The following PTPRT variants were observed in gnomAD, a reference collection of about 807,000 sequenced individuals.
The protein encoded by PTPRT is receptor-type tyrosine-protein phosphatase T.
PTPRT carries 56 observed loss-of-function variants against 176.8 expected under a neutral mutation model. That is an observed-to-expected ratio of 0.32 (90% confidence interval 0.26 to 0.40). The LOEUF is 0.40. PTPRT is among the 10% of genes least tolerant of loss of function. The pLI is 1.00. For synonymous variants in PTPRT, 783 were observed against 739.0 expected (o/e 1.06, Z -0.96); for missense variants, 1,540 against 1,908.2 (o/e 0.81, Z 3.60).
At position 42,545,322 on chromosome 20, in the gene PTPRT, G is replaced by T. The variant is rs77131594; in HGVS notation, c.1154-72760C>A. Among the ~76,000 whole-genome samples the T allele has an allele frequency of 2.9e-3, 443 of 152,242 alleles. 1 individual carries two copies. The highest frequency in any genetic ancestry group is 0.017 in the Middle Eastern group (5 of 294). On this transcript the variant is annotated intron_variant, in intron 7 of 30. Coordinates refer to ENST00000373187, the MANE Select transcript of PTPRT (RefSeq NM_007050.6). Reference sequence around the variant, plus strand: ...GCAAACAGGAGTTTTTAATCCAGGGGTTCATCAAACCACCCTAGTAGGATT... The same window carrying T: ...GCAAACAGGAGTTTTTAATCCAGGGTTTCATCAAACCACCCTAGTAGGATT...
At chr20:42,227,749 A>C (rs928452543) in intron 15 of PTPRT, among the ~76,000 whole-genome samples, 3 of 151,908 alleles carry the variant, frequency 2.0e-5, no homozygotes, top group Non-Finnish European at 2.9e-5. Flanking sequence ...CTGGGATTAC[A>C]GGCACGTGCC....
chr20:43,043,918 C>G (rs1459107789), intron 1 of PTPRT, among the ~76,000 whole-genome samples: 2 of 152,090 alleles, frequency 1.3e-5, no homozygotes, highest in South Asian at 4.2e-4. Context: ...GCTTCTTTCT[C>G]CTTCCTCTGT....
At chr20:42,891,229 G>A (rs1460373521) in intron 1 of PTPRT, among the ~76,000 whole-genome samples, 1 of 152,152 alleles carries the variant, frequency 6.6e-6, no homozygotes, top group Non-Finnish European at 1.5e-5. Flanking sequence ...AATCATTTTT[G>A]GGAGGAAGGA....
At chr20:42,654,409 A>G (rs1008766330) in intron 7 of PTPRT, among the ~76,000 whole-genome samples, 1 of 152,116 alleles carries the variant, frequency 6.6e-6, no homozygotes, top group African/African-American at 2.4e-5. Context: ...AAAAAGCTGC[A>G]GTGGAACAAG....
At chr20:42,842,056 A>G (rs1180947919) in intron 2 of PTPRT, among the ~76,000 whole-genome samples, 6 of 152,244 alleles carry the variant, frequency 3.9e-5, no homozygotes, top group Admixed American at 3.9e-4. Context: ...TTCCAGCTCC[A>G]TTCCACATCT....
At chr20:42,349,987 A>G (rs748779139) in intron 11 of PTPRT, among the ~76,000 whole-genome samples, 1 of 152,168 alleles carries the variant, frequency 6.6e-6, no homozygotes, top group Non-Finnish European at 1.5e-5. Context: ...CTACAGCCTT[A>G]AACTGGACCA....
chr20:42,377,889 C>A (rs924773681), intron 9 of PTPRT, among the ~76,000 whole-genome samples: 3 of 152,088 alleles, frequency 2.0e-5, no homozygotes, highest in Non-Finnish European at 4.4e-5. Flanking sequence ...ATAGGAAGAA[C>A]CTGGATGATA....
chr20:42,814,122 G>C (rs569098172), intron 2 of PTPRT, among the ~76,000 whole-genome samples: 1 of 152,152 alleles, frequency 6.6e-6, no homozygotes, highest in South Asian at 2.1e-4. Context: ...GGTGGGTGGG[G>C]AAAAAGATTT....
chr20:42,109,768 G>A (rs1283050735), intron 23 of PTPRT, among the ~76,000 whole-genome samples: 1 of 152,180 alleles, frequency 6.6e-6, no homozygotes, highest in Non-Finnish European at 1.5e-5. Context: ...TAAATAATGT[G>A]GGTAAAATGC....
At chr20:42,666,523 G>A (rs1204174767) in intron 7 of PTPRT, among the ~76,000 whole-genome samples, 1 of 151,934 alleles carries the variant, frequency 6.6e-6, no homozygotes, top group Non-Finnish European at 1.5e-5. Context: ...TTTTCTTTCA[G>A]ATCAACTTTT....
chr20:42,499,731 T>C (rs1296543409), intron 7 of PTPRT, among the ~76,000 whole-genome samples: 1 of 152,182 alleles, frequency 6.6e-6, no homozygotes, highest in Non-Finnish European at 1.5e-5. Context: ...TCTGCAAGTT[T>C]TTCAAATCAT....
chr20:43,102,284 TCACA>T (rs57029983), intron 1 of PTPRT, among the ~76,000 whole-genome samples: 3,021 of 140,504 alleles, frequency 0.022, 102 homozygotes, highest in African/African-American at 0.069. Flanking sequence ...CACTCACACA[TCACA>T]CACACACACA....
At chr20:43,036,324 T>G (rs993006432) in intron 1 of PTPRT, among the ~76,000 whole-genome samples, 17 of 152,196 alleles carry the variant, frequency 1.1e-4, no homozygotes, top group Non-Finnish European at 1.9e-4. Context: ...TTTGAACTCC[T>G]GGGCAGAAGT....
chr20:43,046,646 G>A (rs1244736292), intron 1 of PTPRT, among the ~76,000 whole-genome samples: 1 of 152,094 alleles, frequency 6.6e-6, no homozygotes, highest in Non-Finnish European at 1.5e-5. Flanking sequence ...TTCTCCAGTG[G>A]CTTCGCCTCA....
chr20:42,464,067 G>A (rs1037272459), intron 8 of PTPRT, among the ~76,000 whole-genome samples: 5 of 152,234 alleles, frequency 3.3e-5, no homozygotes, highest in South Asian at 2.1e-4. Flanking sequence ...TTGAAGCAAC[G>A]AATGTGGTAC....
intron 13 of PTPRT, among the ~76,000 whole-genome samples, chr20:42,275,626 G>T (rs1265657792): frequency 6.6e-6 from 1 of 152,174 alleles, no homozygotes; most frequent in African/African-American, 2.4e-5. Context: ...AGAGGCTAGA[G>T]AGATGTGCCA....
At chr20:42,380,880 A>C (rs1449980087) in intron 9 of PTPRT, among the ~76,000 whole-genome samples, 1 of 152,222 alleles carries the variant, frequency 6.6e-6, no homozygotes, top group Non-Finnish European at 1.5e-5. Flanking sequence ...ACTTGTTCAC[A>C]GTTCTGCAGG....
chr20:42,296,669 C>T (rs1192426299), intron 12 of PTPRT, among the ~76,000 whole-genome samples: 1 of 152,110 alleles, frequency 6.6e-6, no homozygotes. Flanking sequence ...AACTCAAGTA[C>T]TGAAATGTAG....
chr20:42,110,020 G>A (rs1222075783), intron 23 of PTPRT, among the ~76,000 whole-genome samples: 1 of 151,906 alleles, frequency 6.6e-6, no homozygotes, highest in Non-Finnish European at 1.5e-5. Flanking sequence ...GAGCTGCAGA[G>A]GCACACTAGG....
Sources: allele counts gnomAD v4.1 joint callset (sites outside exome capture counted in the v4.1 genomes callset), GRCh38; gene constraint gnomAD v4.1.1; transcripts MANE v1.5; gene names NCBI Gene and HGNC (gene_info 2026-07-23, HGNC 2026-07-21).